Variants in RAPGEF5 observed in about 807,000 individuals in gnomAD.
The protein encoded by RAPGEF5 is Rap guanine nucleotide exchange factor 5.
Under a neutral mutation model 125.2 loss-of-function variants are expected in RAPGEF5, and 65 were observed. The ratio of observed to expected loss-of-function variants is 0.52; its 90% CI spans 0.43 to 0.64. The LOEUF (loss-of-function observed/expected upper bound fraction) is 0.64. Among genes scored for constraint, RAPGEF5 ranks in the 30% least tolerant of loss-of-function variants. The pLI, the probability that RAPGEF5 is intolerant of heterozygous loss-of-function variation, is 0.00. For synonymous variants in RAPGEF5, 391 were observed against 385.9 expected (o/e 1.01, Z -0.16); for missense variants, 958 against 1,048.1 (o/e 0.91, Z 1.19).
At chr7:22,309,479 C>T in intron 4 of RAPGEF5, among the ~76,000 whole-genome samples, 1 of 152,200 alleles carries the variant, frequency 6.6e-6, no homozygotes, top group East Asian at 1.9e-4. Flanking sequence ...TATCCATCAC[C>T]TATTTTAGTT....
At chr7:22,252,815 G>A (rs564751800) in intron 7 of RAPGEF5, among the ~76,000 whole-genome samples, 1 of 152,104 alleles carries the variant, frequency 6.6e-6, no homozygotes, top group Admixed American at 6.5e-5. Flanking sequence ...TCTGCTGAAT[G>A]CATTTTCAAT....
intron 1 of RAPGEF5, among the ~76,000 whole-genome samples, chr7:22,330,744 G>A (rs1783900935): frequency 6.6e-6 from 1 of 152,080 alleles, no homozygotes. Context: ...ACGCAACCAG[G>A]TTCTATATCA....
chr7:22,289,394 A>C (rs1472175195), intron 6 of RAPGEF5, among the ~76,000 whole-genome samples: 1 of 152,240 alleles, frequency 6.6e-6, no homozygotes. Flanking sequence ...ACCTTAGGCA[A>C]GCTACTCAAA....
chr7:22,262,729 C>T (rs1038116318), intron 7 of RAPGEF5, among the ~76,000 whole-genome samples: 3 of 128,750 alleles, frequency 2.3e-5, no homozygotes, highest in African/African-American at 9.2e-5. Context: ...TACATTCATG[C>T]CACGGAACAC....
At chr7:22,269,679 T>C (rs1281072776) in intron 6 of RAPGEF5, among the ~76,000 whole-genome samples, 1 of 152,240 alleles carries the variant, frequency 6.6e-6, no homozygotes, top group African/African-American at 2.4e-5. Context: ...TGAAACTGAA[T>C]TGAAAACTAA....
At position 22,193,617 on chromosome 7, in the gene RAPGEF5, C is replaced by A. The variant is rs547970328; in HGVS notation, c.1116-162G>T. 6 of 1,550,884 alleles carry A rather than the reference C, an allele frequency of 3.9e-6. 1 individual carries two copies. In the South Asian group the frequency reaches 7.1e-5, roughly 18 times the overall value. Reference sequence around the variant, plus strand: ...CTGAGAGCGCCGCGGCGGAATCTTTCCTCTCCAAATGAGGGTCAAAGACCC... The same window carrying A: ...CTGAGAGCGCCGCGGCGGAATCTTTACTCTCCAAATGAGGGTCAAAGACCC... On this transcript the variant is annotated intron_variant, in intron 10 of 25. Coordinates refer to ENST00000665637, the MANE Select transcript of RAPGEF5 (RefSeq NM_012294.5).
intron 9 of RAPGEF5, among the ~76,000 whole-genome samples, chr7:22,198,472 G>A (rs772590369): frequency 2.6e-5 from 4 of 152,202 alleles, no homozygotes; most frequent in Non-Finnish European, 4.4e-5. Flanking sequence ...CTTGAGAGTA[G>A]CTCATGTGAG....
intron 7 of RAPGEF5, among the ~76,000 whole-genome samples, chr7:22,237,396 C>T (rs560097077): frequency 6.7e-6 from 1 of 149,054 alleles, no homozygotes; most frequent in South Asian, 2.1e-4. Flanking sequence ...AGAAATTGAC[C>T]CTTCTGGTCT....
chr7:22,156,188 T>C (rs1327263242), intron 16 of RAPGEF5, among the ~76,000 whole-genome samples: 3 of 152,236 alleles, frequency 2.0e-5, no homozygotes, highest in Non-Finnish European at 4.4e-5. Context: ...TGAGTTATAA[T>C]TGCATTAAAA....
chr7:22,345,145 G>A (rs912540508), intron 1 of RAPGEF5, among the ~76,000 whole-genome samples: 17 of 152,148 alleles, frequency 1.1e-4, no homozygotes, highest in African/African-American at 3.6e-4. Context: ...GAGAAGTTCC[G>A]CTTTAGCCCC....
At chr7:22,292,391 A>G (rs1412144980) in intron 5 of RAPGEF5, among the ~76,000 whole-genome samples, 1 of 152,270 alleles carries the variant, frequency 6.6e-6, no homozygotes, top group Non-Finnish European at 1.5e-5. Flanking sequence ...TGCCTTTACA[A>G]AAATTGCAAG....
rs144106270 is a variant in RAPGEF5, at chr7:22,229,550, C to T, written c.870+1296G>A. On this transcript the variant is annotated intron_variant, in intron 8 of 25. Transcript: ENST00000665637. ...ATAAATTGTACATATAAATTACACA[C>T]ATACGTACATACCAATGAGCATACA... is the stretch of plus-strand genomic sequence containing the variant. Among the ~76,000 whole-genome samples the T allele has an allele frequency of 3.4e-3, 522 of 152,324 alleles. 1 individual carries two copies. Among genetic ancestry groups the T allele is most frequent in the Non-Finnish European group, 5.2e-3 (357 of 68,030 alleles).
intron 9 of RAPGEF5, among the ~76,000 whole-genome samples, chr7:22,216,982 A>C (rs187714967): frequency 3.4e-4 from 52 of 152,362 alleles, no homozygotes; most frequent in African/African-American, 9.1e-4. Context: ...CAAAGGCTTT[A>C]TTCTATCAAA....
chr7:22,135,398 C>T (rs1338637301), intron 23 of RAPGEF5, among the ~76,000 whole-genome samples: 2 of 152,000 alleles, frequency 1.3e-5, no homozygotes, highest in Non-Finnish European at 2.9e-5. Context: ...TTTATTAATC[C>T]CCTTGGTTTG....
At chr7:22,285,184 C>A (rs912698099) in intron 6 of RAPGEF5, among the ~76,000 whole-genome samples, 3 of 152,122 alleles carry the variant, frequency 2.0e-5, no homozygotes, top group Non-Finnish European at 4.4e-5. Context: ...GAGAGGGTAT[C>A]CTACCATATA....
intron 1 of RAPGEF5, among the ~76,000 whole-genome samples, chr7:22,322,905 T>C (rs1390323413): frequency 1.3e-5 from 2 of 152,230 alleles, no homozygotes; most frequent in East Asian, 1.9e-4. Context: ...GAATGGCAAA[T>C]TGAACCTCTC....
intron 1 of RAPGEF5, among the ~76,000 whole-genome samples, chr7:22,332,258 A>T (rs769135042): frequency 9.2e-5 from 14 of 152,194 alleles, no homozygotes; most frequent in African/African-American, 1.4e-4. Flanking sequence ...TTTGCCTGTA[A>T]ATTGCTGTGC....
chr7:22,216,246 T>C (rs1451894718), intron 9 of RAPGEF5, among the ~76,000 whole-genome samples: 1 of 152,152 alleles, frequency 6.6e-6, no homozygotes, highest in East Asian at 1.9e-4. Flanking sequence ...AGAGAGATCT[T>C]ACAAAGGCCA....
At chr7:22,235,727 TG>T (rs991641968) in intron 7 of RAPGEF5, among the ~76,000 whole-genome samples, 1 of 152,072 alleles carries the variant, frequency 6.6e-6, no homozygotes, top group African/African-American at 2.4e-5. Context: ...CATCCTGGAG[TG>T]GGGTCACAAT....
Sources: gnomAD v4.1 joint callset for allele counts (sites outside exome capture counted in the v4.1 genomes callset) on GRCh38, gnomAD v4.1.1 for gene constraint, MANE v1.5 for transcripts, NCBI Gene and HGNC (gene_info 2026-07-23, HGNC 2026-07-21) for gene names.